The following OPCML variants were observed in gnomAD, a reference collection of about 807,000 sequenced individuals.
OPCML encodes opioid binding protein/cell adhesion molecule like.
In OPCML, 13 loss-of-function variants were observed where a neutral mutation model predicts 37.8. The ratio of observed to expected loss-of-function variants is 0.34; its 90% confidence interval spans 0.22 to 0.55. The LOEUF (loss-of-function observed/expected upper bound fraction) is 0.55, where lower values mean the gene tolerates loss of function less well. OPCML is among the 20% of genes least tolerant of loss of function. OPCML has a pLI of 0.91. For synonymous variants in OPCML, 176 were observed against 168.8 expected (o/e 1.04, Z -0.33); for missense variants, 341 against 435.6 (o/e 0.78, Z 1.93).
chr11:133,526,225 G>A (rs1435537286), intron 1 of OPCML, among the ~76,000 whole-genome samples: 1 of 152,206 alleles, frequency 6.6e-6, no homozygotes. Flanking sequence ...ACACATGTAT[G>A]GCCGTGTCTG....
At chr11:133,034,444 A>G (rs542497078) in intron 1 of OPCML, among the ~76,000 whole-genome samples, 1 of 152,282 alleles carries the variant, frequency 6.6e-6, no homozygotes, top group South Asian at 2.1e-4. Flanking sequence ...AGTACCTGTC[A>G]TAAATCCAGT....
intron 3 of OPCML, among the ~76,000 whole-genome samples, chr11:132,586,365 T>C (rs1263021485): frequency 1.3e-5 from 2 of 152,196 alleles, no homozygotes; most frequent in Non-Finnish European, 2.9e-5. Flanking sequence ...GTCAGATAGG[T>C]CATGTGTGAT....
At chr11:132,691,196 T>C (rs576588061) in intron 2 of OPCML, among the ~76,000 whole-genome samples, 2 of 152,360 alleles carry the variant, frequency 1.3e-5, no homozygotes, top group African/African-American at 2.4e-5. Flanking sequence ...AGATAATGTA[T>C]ACTTGAAAAA....
At chr11:132,860,257 A>T (rs1591714725) in intron 2 of OPCML, among the ~76,000 whole-genome samples, 1 of 152,330 alleles carries the variant, frequency 6.6e-6, no homozygotes, top group Admixed American at 6.5e-5. Flanking sequence ...ACTTGCAGAC[A>T]GCCACACACT....
intron 1 of OPCML, among the ~76,000 whole-genome samples, chr11:133,472,805 C>A (rs1947147767): frequency 6.6e-6 from 1 of 151,760 alleles, no homozygotes; most frequent in Admixed American, 6.6e-5. Flanking sequence ...ATGAACAGAC[C>A]CTGCAGCAAT....
At chr11:132,857,661 G>C (rs1189006337) in intron 2 of OPCML, among the ~76,000 whole-genome samples, 1 of 152,166 alleles carries the variant, frequency 6.6e-6, no homozygotes, top group African/African-American at 2.4e-5. Context: ...AACATGCAAA[G>C]CTATAAAGCA....
chr11:132,447,605 C>G, intron 4 of OPCML, among the ~76,000 whole-genome samples: 1 of 152,150 alleles, frequency 6.6e-6, no homozygotes, highest in Admixed American at 6.5e-5. Context: ...CCACCATACC[C>G]GGTCGACAGT....
chr11:133,287,387 T>G (rs957294200), intron 1 of OPCML, among the ~76,000 whole-genome samples: 6 of 150,362 alleles, frequency 4.0e-5, no homozygotes, highest in African/African-American at 1.5e-4. Flanking sequence ...GCTGGGATTA[T>G]AGCCATGAGC....
At chr11:132,975,158 T>C (rs12420799) in intron 1 of OPCML, among the ~76,000 whole-genome samples, 1,917 of 151,572 alleles carry the variant, frequency 0.013, 131 homozygotes, top group Admixed American at 0.11. Context: ...TATATTGACA[T>C]GAAACTTAAG....
chr11:132,650,586 A>G (rs1026148158), intron 3 of OPCML, among the ~76,000 whole-genome samples: 6 of 152,092 alleles, frequency 3.9e-5, no homozygotes, highest in Admixed American at 3.9e-4. Flanking sequence ...ACACACACAC[A>G]CACACATACA....
intron 1 of OPCML, among the ~76,000 whole-genome samples, chr11:133,443,076 T>G (rs542459774): frequency 6.6e-6 from 1 of 151,994 alleles, no homozygotes; most frequent in East Asian, 1.9e-4. Flanking sequence ...AATGAAAAAC[T>G]GAACCCACAG....
At chr11:133,454,739 C>T (rs7127047) in intron 1 of OPCML, among the ~76,000 whole-genome samples, 8,794 of 152,162 alleles carry the variant, frequency 0.058, 797 homozygotes, top group African/African-American at 0.2. Context: ...AGCTATATCA[C>T]GATGTCTTTG....
At chr11:132,644,463 A>G (rs1207219552) in intron 3 of OPCML, among the ~76,000 whole-genome samples, 3 of 152,288 alleles carry the variant, frequency 2.0e-5, no homozygotes, top group East Asian at 3.9e-4. Flanking sequence ...GAAATAATCT[A>G]TCTGAACAGA....
intron 2 of OPCML, among the ~76,000 whole-genome samples, chr11:132,731,368 A>G (rs1449892506): frequency 6.6e-6 from 1 of 152,196 alleles, no homozygotes; most frequent in Non-Finnish European, 1.5e-5. Context: ...TCTGATGGTG[A>G]TGCCAATCCA....
chr11:132,808,770 A>T (rs981811942), intron 2 of OPCML, among the ~76,000 whole-genome samples: 4 of 152,204 alleles, frequency 2.6e-5, no homozygotes, highest in Non-Finnish European at 1.5e-5. Context: ...GCTGAAAGTA[A>T]TTCTCCTAAA....
intron 3 of OPCML, among the ~76,000 whole-genome samples, chr11:132,535,600 A>T (rs1461760755): frequency 6.6e-6 from 1 of 152,152 alleles, no homozygotes; most frequent in African/African-American, 2.4e-5. Context: ...TAGACAGGAC[A>T]AGATAAAGGA....
chr11:132,850,231 A>G (rs1300707191), intron 2 of OPCML, among the ~76,000 whole-genome samples: 5 of 152,164 alleles, frequency 3.3e-5, no homozygotes, highest in Admixed American at 6.5e-5. Flanking sequence ...AAGGAAAGCG[A>G]GCCCTACTTG....
intron 2 of OPCML, among the ~76,000 whole-genome samples, chr11:132,869,745 G>A (rs1018354889): frequency 6.6e-6 from 1 of 152,160 alleles, no homozygotes; most frequent in African/African-American, 2.4e-5. Context: ...GCACATCTCT[G>A]GAAGTGTCCC....
chr11:133,192,066 G>T (rs1468691133), intron 1 of OPCML, among the ~76,000 whole-genome samples: 1 of 152,212 alleles, frequency 6.6e-6, no homozygotes, highest in African/African-American at 2.4e-5. Flanking sequence ...AGACTTCATT[G>T]TGCAGGGTAA....
Sources: allele counts gnomAD v4.1 joint callset (sites outside exome capture counted in the v4.1 genomes callset), GRCh38; gene constraint gnomAD v4.1.1; transcripts MANE v1.5; gene names NCBI Gene and HGNC (gene_info 2026-07-23, HGNC 2026-07-21).